The following ACER1 variants were observed in gnomAD, a reference collection of about 807,000 sequenced individuals.
ACER1 encodes the protein alkaline ceramidase 1, also known as CTB-180A7.3.
A neutral mutation model predicts 24.9 loss-of-function variants in ACER1; 28 were observed. That is an observed-to-expected ratio of 1.13 (90% confidence interval 0.83 to 1.54). The LOEUF is 1.54. Ranked by LOEUF, ACER1 falls within the 40% of genes most tolerant of loss-of-function variation. ACER1 has a pLI of 0.00. For synonymous variants in ACER1, 132 were observed against 131.4 expected (o/e 1.00, Z -0.03); for missense variants, 352 against 349.3 (o/e 1.01, Z -0.06).
In ACER1 at chr19:6,312,193, T is replaced by A. The variant is rs1337801764; in HGVS notation, c.306A>T (p.Ile102=). Residue 102 remains isoleucine, a synonymous_variant, in exon 3 of 6, where the codon ATA becomes ATT. Transcript: ENST00000301452. ...AGGGGAAATAGCAGCGGGGCATCCA[T>A]ATGCTATAGCCACTGCCCAGGAGCC... ...ILWLLGSGYS[I]WMPRCYFPSF... 4 of 1,613,948 alleles carry A rather than the reference T, an allele frequency of 2.5e-6. No individual in the cohort carries two copies. The highest frequency in any genetic ancestry group is 3.4e-6 in the Non-Finnish European group (4 of 1,180,018).
intron 1 of ACER1, among the ~76,000 whole-genome samples, chr19:6,314,885 TTTA>T (rs2091595876): frequency 6.8e-6 from 1 of 147,622 alleles, no homozygotes; most frequent in Admixed American, 6.7e-5. Context: ...TATTTATTTA[TTTA>T]TTTATTTATT....
At chr19:6,340,111 C>T in the ACER1 span, among the ~76,000 whole-genome samples, 1 of 151,454 alleles carries the variant, frequency 6.6e-6, no homozygotes, top group African/African-American at 2.4e-5. Flanking sequence ...ACCGTCTCTA[C>T]TAAAAATAAA....
In ACER1 at chr19:6,309,773, G is replaced by T. The variant is rs780726727; in HGVS notation, c.412C>A (p.Arg138=). 1.9e-6 allele frequency: 3 copies of T among 1,614,044 alleles called. No homozygotes were observed. The highest frequency in any genetic ancestry group is 1.7e-6 in the Non-Finnish European group (2 of 1,179,978). The part of the protein sequence containing the change: ...TVVSTLLSFL[R]PTVNAYALNS... The stretch of plus-strand genomic sequence containing the variant: ...AGGGCGTAGGCGTTGACCGTGGGCC[G>T]CAGGAAGGACAGAAGGGTGCTGACC... The change falls in exon 4 of 6, where the codon CGG becomes AGG. Residue 138 remains arginine (R), a synonymous_variant. Transcript: ENST00000301452.
At chr19:6,309,863 G>A (rs780673560) in intron 3 of ACER1, 29 bp from the exon 4 acceptor site, 24 of 1,612,830 alleles carry the variant, frequency 1.5e-5, no homozygotes, top group South Asian at 4.4e-5. Flanking sequence ...AGCTGTAGGC[G>A]GGAAGGGAGG....
chr19:6,328,496 C>CAAAA (rs1013111916), intron 1 of ACER1, among the ~76,000 whole-genome samples: 6 of 41,234 alleles, frequency 1.5e-4, no homozygotes, highest in African/African-American at 2.0e-4. Flanking sequence ...GACTCCATCT[C>CAAAA]AAAAAAAAAA....
At chr19:6,359,602 G>A in the ACER1 span, among the ~76,000 whole-genome samples, 1 of 151,980 alleles carries the variant, frequency 6.6e-6, no homozygotes. Flanking sequence ...GCAGGCATGA[G>A]CCACCACAAC....
chr19:6,349,931 G>T, the ACER1 span, among the ~76,000 whole-genome samples: 2 of 152,262 alleles, frequency 1.3e-5, no homozygotes, highest in Middle Eastern at 3.4e-3. Context: ...AGGAGTTCAA[G>T]ACCAGCTCAG....
At chr19:6,342,495 G>A in the ACER1 span, among the ~76,000 whole-genome samples, 9 of 151,932 alleles carry the variant, frequency 5.9e-5, no homozygotes, top group East Asian at 3.9e-4. Context: ...TGAGGCGGGC[G>A]GATCACGAGG....
Position 6,306,760 on chromosome 19 carries a change from A to G in ACER1, c.749T>C (p.Val250Ala). ...CCGGATTTCCACGTAGGGCAGCCCC[A>G]CGGGCCAACTGTCCCGAGGCCAGTA... ...VRYWPRDSWP[V>A]GLPYVEIRGD... Residue 250 changes from valine to alanine, a missense_variant, in exon 6 of 6, where the codon GTG becomes GCG. Val to Ala is a moderately conservative substitution (Grantham distance 64). Coordinates refer to ENST00000301452, the MANE Select transcript of ACER1 (RefSeq NM_133492.3). 1 of 1,613,986 alleles carries G rather than the reference A, an allele frequency of 6.2e-7. No individual in the cohort carries two copies. The highest frequency in any genetic ancestry group is 8.5e-7 in the Non-Finnish European group (1 of 1,179,904).
At chr19:6,356,675 G>A in the ACER1 span, among the ~76,000 whole-genome samples, 2 of 150,320 alleles carry the variant, frequency 1.3e-5, no homozygotes, top group African/African-American at 4.9e-5. Context: ...ACAATATGCT[G>A]TTTTTGCAAG....
At chr19:6,326,935 TG>T (rs1431513371) in intron 1 of ACER1, among the ~76,000 whole-genome samples, 1 of 152,202 alleles carries the variant, frequency 6.6e-6, no homozygotes, top group Non-Finnish European at 1.5e-5. Flanking sequence ...AGCTCTTCTT[TG>T]ACTTCCAGAA....
chr19:6,346,450 C>A, the ACER1 span, among the ~76,000 whole-genome samples: 1 of 151,578 alleles, frequency 6.6e-6, no homozygotes, highest in East Asian at 1.9e-4. Flanking sequence ...CTTTTCTCCT[C>A]CTCCTCCTCC....
the ACER1 span, among the ~76,000 whole-genome samples, chr19:6,349,053 CAAG>C: frequency 1.9e-4 from 28 of 149,446 alleles, no homozygotes; most frequent in Admixed American, 1.5e-3. Context: ...GAGACTCCAT[CAAG>C]AAGAAGAAGG....
the ACER1 span, among the ~76,000 whole-genome samples, chr19:6,359,328 T>C: frequency 2.0e-5 from 3 of 151,974 alleles, no homozygotes; most frequent in South Asian, 6.2e-4. Context: ...GATTTTTTTT[T>C]TTTTTTTGAG....
intron 1 of ACER1, among the ~76,000 whole-genome samples, chr19:6,318,148 C>T (rs969061770): frequency 3.3e-5 from 5 of 150,766 alleles, no homozygotes; most frequent in African/African-American, 9.8e-5. Flanking sequence ...GGTGAAACCC[C>T]GTCCTAAAAA....
chr19:6,358,288 G>A, the ACER1 span, among the ~76,000 whole-genome samples: 3 of 152,140 alleles, frequency 2.0e-5, no homozygotes, highest in African/African-American at 4.8e-5. Flanking sequence ...GCCTGCCAGC[G>A]CTGGCTGCCA....
chr19:6,343,137 G>A, the ACER1 span, among the ~76,000 whole-genome samples: 1 of 152,104 alleles, frequency 6.6e-6, no homozygotes, highest in Non-Finnish European at 1.5e-5. Context: ...GTGGGGGAGT[G>A]GTGGAAATAT....
rs747166030 is a variant in ACER1 at position 6,333,593 on chromosome 19, G to C, written c.-42C>G. 1 of 1,519,024 alleles carries C rather than the reference G, an allele frequency of 6.6e-7. No individual in the cohort carries two copies. The highest frequency in any genetic ancestry group is 8.9e-7 in the Non-Finnish European group (1 of 1,121,660). 94.1% of individuals were successfully genotyped at this position (1,519,024 alleles called of 1,614,324 possible). On this transcript the variant is annotated 5_prime_UTR_variant, in exon 1 of 6. Coordinates refer to ENST00000301452, the MANE Select transcript of ACER1 (RefSeq NM_133492.3). ...CCACCAGCCGGCTGCGCCCGGCAGA[G>C]AGAAGGCGAGCTTGGGAAGGCTGGG...
At chr19:6,333,878 A>G (rs2091702128), upstream of ACER1, among the ~76,000 whole-genome samples, 1 of 152,016 alleles carries the variant, frequency 6.6e-6, no homozygotes, top group Non-Finnish European at 1.5e-5. Context: ...TCTTTTATGT[A>G]TGTATGTATT....
Sources: allele counts gnomAD v4.1 joint callset (sites outside exome capture counted in the v4.1 genomes callset), GRCh38; gene constraint gnomAD v4.1.1; transcripts MANE v1.5; gene names NCBI Gene and HGNC (gene_info 2026-07-23, HGNC 2026-07-21).